Variants in NCOA1 observed in about 807,000 individuals in gnomAD.
The protein encoded by NCOA1 is Hin-2 protein.
A neutral mutation model predicts 150.9 loss-of-function variants in NCOA1; 35 were observed. The observed-to-expected ratio is 0.23, with a 90% CI of 0.18 to 0.31. The LOEUF (loss-of-function observed/expected upper bound fraction) is 0.31, where lower values mean the gene tolerates loss of function less well. Among genes scored for constraint, NCOA1 ranks in the 10% least tolerant of loss-of-function variants. The probability of loss-of-function intolerance (pLI) is 1.00; values close to 1 mark genes in which losing one functional copy is unlikely to be tolerated. For missense variants in NCOA1, 1,491 were observed against 1,749.3 expected (o/e 0.85, Z 2.63); for synonymous variants, 590 against 630.0 (o/e 0.94, Z 0.95).
intron 2 of NCOA1, among the ~76,000 whole-genome samples, chr2:24,581,404 A>G (rs1435799203): frequency 6.6e-6 from 1 of 152,230 alleles, no homozygotes; most frequent in African/African-American, 2.4e-5. Flanking sequence ...GAGAGCAGAC[A>G]TCTAGGCTCC....
chr2:24,495,686 C>T (rs1663175436), intron 1 of NCOA1, among the ~76,000 whole-genome samples: 1 of 152,142 alleles, frequency 6.6e-6, no homozygotes, highest in East Asian at 1.9e-4. Context: ...GCCCTTTCAG[C>T]TTATAATTGT....
intron 1 of NCOA1, among the ~76,000 whole-genome samples, chr2:24,514,343 A>ATTT (rs1228266049): frequency 6.7e-6 from 1 of 148,512 alleles, no homozygotes. Context: ...AAATAGCAAA[A>ATTT]TTTTTTTATC....
At chr2:24,509,834 A>G (rs1663856703) in intron 1 of NCOA1, among the ~76,000 whole-genome samples, 1 of 152,210 alleles carries the variant, frequency 6.6e-6, no homozygotes, top group African/African-American at 2.4e-5. Context: ...AGGAGAAATT[A>G]TAATTGAATG....
chr2:24,653,013 G>A (rs1485905474), intron 4 of NCOA1, among the ~76,000 whole-genome samples: 1 of 152,088 alleles, frequency 6.6e-6, no homozygotes, highest in Non-Finnish European at 1.5e-5. Flanking sequence ...GCAAATTATG[G>A]GTGACTGTCT....
chr2:24,746,390 A>G (rs1348060997), intron 19 of NCOA1, among the ~76,000 whole-genome samples: 1 of 152,130 alleles, frequency 6.6e-6, no homozygotes, highest in Non-Finnish European at 1.5e-5. Context: ...TAAAAATACA[A>G]AAATCAGCTG....
chr2:24,697,886 A>G, intron 11 of NCOA1, 88 bp downstream of exon 11: 2 of 1,314,124 alleles, frequency 1.5e-6, no homozygotes, highest in Non-Finnish European at 2.1e-6. Context: ...CTTGATAAGT[A>G]TTTTCTCCAA....
intron 2 of NCOA1, among the ~76,000 whole-genome samples, chr2:24,576,683 A>G (rs758549842): frequency 2.6e-5 from 4 of 152,184 alleles, no homozygotes; most frequent in Admixed American, 6.5e-5. Flanking sequence ...CTGTGGATTA[A>G]GATGTGGGCC....
chr2:24,742,231 G>A (rs1663641447), intron 19 of NCOA1, 45 bp downstream of exon 19: 2 of 1,543,112 alleles, frequency 1.3e-6, no homozygotes, highest in Non-Finnish European at 1.8e-6. Flanking sequence ...ATCCATACAG[G>A]CTTAGGTCTC....
At chr2:24,718,977 C>T (rs1164566039) in intron 14 of NCOA1, among the ~76,000 whole-genome samples, 2 of 132,270 alleles carry the variant, frequency 1.5e-5, no homozygotes, top group African/African-American at 2.9e-5. Context: ...TGCAGTTAGC[C>T]GAGATCGCAC....
chr2:24,632,705 A>G (rs1669760236), intron 3 of NCOA1, among the ~76,000 whole-genome samples: 1 of 152,222 alleles, frequency 6.6e-6, no homozygotes, highest in South Asian at 2.1e-4. Context: ...GACAAAAAGA[A>G]CTATACATAA....
At position 24,697,315 on chromosome 2, in the gene NCOA1, A is replaced by G. The variant is rs192479692; in HGVS notation, c.809-343A>G. 9.2e-5 allele frequency among the ~76,000 whole-genome samples: 14 copies of G among 152,260 alleles called. 1 individual carries two copies. In the East Asian group the frequency reaches 1.5e-3, roughly 17 times the overall value. On this transcript the variant is annotated intron_variant, in intron 10 of 22. Coordinates refer to ENST00000348332, the MANE Select transcript of NCOA1 (RefSeq NM_003743.5). ...ACTTCATCTTTGCCTCTCCTTTCCA[A>G]TCGGTCATCAGTATACAGAGAGCAG... is the stretch of plus-strand genomic sequence containing the variant.
intron 3 of NCOA1, 39 bp from the exon 4 acceptor site, chr2:24,643,927 A>G (rs570500640): frequency 6.6e-6 from 1 of 152,262 alleles, no homozygotes; most frequent in South Asian, 2.1e-4. Flanking sequence ...ATGGCAATCT[A>G]ACGTCCCTTC....
At chr2:24,498,697 C>T (rs563942647) in intron 1 of NCOA1, among the ~76,000 whole-genome samples, 1 of 152,014 alleles carries the variant, frequency 6.6e-6, no homozygotes, top group Non-Finnish European at 1.5e-5. Context: ...GGAAGCATAT[C>T]GTCTAGGTGT....
Position 24,576,149 on chromosome 2 carries a change from GTTTTTTTTTTTTTGTTTTTTGTTTTT to G in NCOA1, c.-259-8313_-259-8288del, listed in dbSNP as rs1245110965. Among the ~76,000 whole-genome samples the G allele has an allele frequency of 1.6e-4, 15 of 94,020 alleles. 1 individual carries two copies. The highest frequency in any genetic ancestry group is 9.6e-4 in the South Asian group (3 of 3,126). The allele number at this position is 94,020 out of a possible 152,430, so 61.7% of individuals were successfully genotyped here. ...GAGTTTCAGAAATTATTTGGCCTTT[GTTTTTTTTTTTTTGTTTTTTGTTTTT>G]TTTTTTTTTTTTTTTTGTTTGCTAG... On this transcript the variant is annotated intron_variant, in intron 2 of 22. Coordinates refer to ENST00000348332, the MANE Select transcript of NCOA1 (RefSeq NM_003743.5).
intron 1 of NCOA1, among the ~76,000 whole-genome samples, chr2:24,539,849 A>C (rs1044221890): frequency 3.3e-5 from 5 of 152,212 alleles, no homozygotes; most frequent in African/African-American, 9.7e-5. Flanking sequence ...GTAATTCATT[A>C]GCATTACTGC....
At chr2:24,544,210 AT>A (rs1358452279) in intron 1 of NCOA1, among the ~76,000 whole-genome samples, 2 of 152,102 alleles carry the variant, frequency 1.3e-5, no homozygotes, top group Non-Finnish European at 2.9e-5. Context: ...GGAGGAGAAG[AT>A]TAGGGAAGGA....
At chr2:24,669,834 A>G (rs1048914986) in intron 6 of NCOA1, among the ~76,000 whole-genome samples, 8 of 152,158 alleles carry the variant, frequency 5.3e-5, no homozygotes, top group Admixed American at 1.3e-4. Context: ...ACTCACTAAG[A>G]TGGCTATAAT....
rs1664674012 is a variant in NCOA1, at chr2:24,759,608, A to G, written c.4065+1452A>G. On this transcript the variant is annotated intron_variant, in intron 21 of 22. Transcript: ENST00000348332. ...TCTCATTATTCGTATCAGCAACCAC[A>G]AAGTATGCTATAGTAACTAGGCTAT... Among the ~76,000 whole-genome samples, 3 of 152,322 alleles carry G rather than the reference A, an allele frequency of 2.0e-5. No homozygotes were observed. The South Asian group carries it at 6.2e-4, about 32-fold the overall frequency.
At chr2:24,558,672 C>T (rs940601428) in intron 1 of NCOA1, among the ~76,000 whole-genome samples, 3 of 152,092 alleles carry the variant, frequency 2.0e-5, no homozygotes, top group South Asian at 2.1e-4. Flanking sequence ...AGCGAAACAC[C>T]GAAGCATCAG....
Sources: allele counts gnomAD v4.1 joint callset (sites outside exome capture counted in the v4.1 genomes callset), GRCh38; gene constraint gnomAD v4.1.1; transcripts MANE v1.5; gene names NCBI Gene and HGNC (gene_info 2026-07-23, HGNC 2026-07-21).